The following NRAP variants were observed in gnomAD, a reference collection of about 807,000 sequenced individuals.
NRAP encodes nebulin related anchoring protein.
In NRAP, 189 loss-of-function variants were observed where a neutral mutation model predicts 225.9. The observed-to-expected ratio is 0.84, with a 90% CI of 0.74 to 0.94. NRAP has a LOEUF of 0.94. Among genes scored for constraint, NRAP ranks in the 40% least tolerant of loss-of-function variants. The pLI is 0.00. For missense variants in NRAP, 2,176 were observed against 2,168.7 expected (o/e 1.00, Z -0.07); for synonymous variants, 769 against 790.7 (o/e 0.97, Z 0.46).
At chr10:113,657,084 G>C (rs1850352665) in intron 4 of NRAP, among the ~76,000 whole-genome samples, 1 of 152,162 alleles carries the variant, frequency 6.6e-6, no homozygotes, top group Non-Finnish European at 1.5e-5. Context: ...GCTGGAGAGA[G>C]GCCAGCCTAG....
intron 5 of NRAP, 137 bp from the exon 6 acceptor site, chr10:113,653,176 A>G: frequency 3.5e-6 from 2 of 571,508 alleles, no homozygotes; most frequent in South Asian, 4.9e-5. Flanking sequence ...AAATTTAAAA[A>G]TGGCTTATAA....
intron 22 of NRAP, 124 bp downstream of exon 22, chr10:113,624,702 A>T (rs1236670526): frequency 1.7e-5 from 12 of 697,138 alleles, no homozygotes; most frequent in Non-Finnish European, 3.0e-5. Flanking sequence ...CTGTTTTTAC[A>T]ACAACCAGAT....
At chr10:113,597,815 G>T (rs553008326) in intron 36 of NRAP, among the ~76,000 whole-genome samples, 154 bp downstream of exon 36, 2 of 152,202 alleles carry the variant, frequency 1.3e-5, no homozygotes, top group Non-Finnish European at 2.9e-5. Context: ...ACCTCATTCT[G>T]TCTTGGGATT....
chr10:113,660,111 A>G (rs1487111036), intron 3 of NRAP, among the ~76,000 whole-genome samples: 1 of 151,870 alleles, frequency 6.6e-6, no homozygotes, highest in Non-Finnish European at 1.5e-5. Flanking sequence ...ATACATACAT[A>G]CATACATAAA....
At position 113,631,502 on chromosome 10, in the gene NRAP, A is replaced by C; in HGVS notation, c.1842+7T>G. ...AGTGAGAGGTTGGGGGTTAGAAAAGAGTTTACCTCACTGCTCATCTTAGCA... is the reference window on the plus strand; with the variant it reads ...AGTGAGAGGTTGGGGGTTAGAAAAGCGTTTACCTCACTGCTCATCTTAGCA... On this transcript the variant is annotated splice_region_variant and intron_variant, in intron 18 of 41. Transcript: ENST00000359988. The C allele has an allele frequency of 3.8e-6, 6 of 1,570,256 alleles. No individual in the cohort carries two copies. The highest frequency in any genetic ancestry group is 5.2e-6 in the Non-Finnish European group (6 of 1,151,124).
intron 37 of NRAP, 92 bp downstream of exon 37, chr10:113,596,994 C>T (rs967242354): frequency 7.4e-6 from 6 of 815,086 alleles, no homozygotes; most frequent in Non-Finnish European, 1.3e-5. Context: ...GGTTTGCACC[C>T]CCATCTGTCC....
chr10:113,589,182 C>G, intron 41 of NRAP, 103 bp from the exon 42 acceptor site: 1 of 857,008 alleles, frequency 1.2e-6, no homozygotes, highest in Non-Finnish European at 1.8e-6. Context: ...GAGCATTTAA[C>G]AGGCTCACCC....
rs1364562613 is a variant in NRAP at position 113,645,959 on chromosome 10, A to C, written c.994-18T>G. 3.4e-5 allele frequency: 44 copies of C among 1,298,104 alleles called. No homozygotes were observed. The highest frequency in any genetic ancestry group is 3.9e-5 in the South Asian group (3 of 76,494). 80.4% of individuals were successfully genotyped at this position (1,298,104 alleles called of 1,614,324 possible). On this transcript the variant is annotated intron_variant, in intron 10 of 41. Transcript: ENST00000359988. ...TATTTTATCTGAAAAAAAAAACACA[A>C]AACGGGGCTGGAGTTGATGTTTCCA... is the stretch of plus-strand genomic sequence containing the variant.
chr10:113,632,892 G>GCCAT (rs1848651512), intron 16 of NRAP, among the ~76,000 whole-genome samples, 192 bp downstream of exon 16: 1 of 152,180 alleles, frequency 6.6e-6, no homozygotes, highest in Non-Finnish European at 1.5e-5. Context: ...GGAATAAATG[G>GCCAT]CTATGACCAA....
chr10:113,591,420 G>A (rs930426979), intron 39 of NRAP, among the ~76,000 whole-genome samples: 1 of 152,218 alleles, frequency 6.6e-6, no homozygotes, highest in African/African-American at 2.4e-5. Context: ...GTATGTAGCA[G>A]TACCACTTGT....
chr10:113,645,510 C>T (rs576868486), intron 11 of NRAP, among the ~76,000 whole-genome samples: 1 of 152,264 alleles, frequency 6.6e-6, no homozygotes, highest in African/African-American at 2.4e-5. Flanking sequence ...CTCCGCCTCC[C>T]GAGTTCAAGC....
intron 12 of NRAP, 150 bp downstream of exon 12, chr10:113,642,784 C>T: frequency 1.7e-6 from 1 of 596,168 alleles, no homozygotes; most frequent in Non-Finnish European, 3.0e-6. Flanking sequence ...TCCCAGCAGG[C>T]AACCTTAACC....
Position 113,622,208 on chromosome 10 carries a change from C to T in NRAP, c.2458-28G>A, listed in dbSNP as rs749180058. The T allele has an allele frequency of 4.0e-6, 6 of 1,495,992 alleles. No individual in the cohort carries two copies. In the Admixed American group the frequency reaches 5.1e-5, roughly 13 times the overall value. The allele number at this position is 1,495,992 out of a possible 1,614,324, so 92.7% of individuals were successfully genotyped here. On this transcript the variant is annotated intron_variant, in intron 23 of 41. Transcript: ENST00000359988. ...AAATAAGAGGAATAGAGCAGGGATA[C>T]ATTAGAACCTCCTAAAGGAATTGTT...
intron 18 of NRAP, among the ~76,000 whole-genome samples, chr10:113,630,271 C>A (rs1592807496): frequency 6.6e-6 from 1 of 152,000 alleles, no homozygotes; most frequent in Non-Finnish European, 1.5e-5. Context: ...TGTCACATAG[C>A]AAATACTTGA....
chr10:113,622,227 A>G (rs1335618506), intron 23 of NRAP, 47 bp from the exon 24 acceptor site: 14 of 1,335,992 alleles, frequency 1.0e-5, no homozygotes, highest in Non-Finnish European at 1.5e-5. Context: ...CTCCTAAAGG[A>G]ATTGTTAGGC....
At chr10:113,649,822 A>T (rs908373990) in intron 9 of NRAP, among the ~76,000 whole-genome samples, 14 of 152,212 alleles carry the variant, frequency 9.2e-5, no homozygotes, top group Non-Finnish European at 1.5e-5. Flanking sequence ...TTAATTTAAA[A>T]AAAGAAAGTG....
At chr10:113,597,832 C>T in intron 36 of NRAP, 137 bp downstream of exon 36, 1 of 693,046 alleles carries the variant, frequency 1.4e-6, no homozygotes, top group Non-Finnish European at 2.7e-6. Context: ...GATTTGGTTG[C>T]ACATGGCCCT....
Position 113,634,103 on chromosome 10 carries a change from G to A in NRAP, c.1527+9C>T, listed in dbSNP as rs138969181. Reference sequence around the variant, plus strand: ...CCCTACATCCAGCTGGGCAGGGACAGTTACTTACATGACTCAGCTGCTGGG... The same window carrying A: ...CCCTACATCCAGCTGGGCAGGGACAATTACTTACATGACTCAGCTGCTGGG... On this transcript the variant is annotated intron_variant, in intron 15 of 41. Transcript: ENST00000359988. 6.2e-7 allele frequency: 1 copy of A among 1,600,530 alleles called. No individual in the cohort carries two copies. Among genetic ancestry groups the A allele is most frequent in the Non-Finnish European group, 8.6e-7 (1 of 1,167,624 alleles).
intron 14 of NRAP, among the ~76,000 whole-genome samples, chr10:113,634,501 C>T (rs1210008631): frequency 2.6e-5 from 4 of 152,188 alleles, no homozygotes; most frequent in South Asian, 4.1e-4. Context: ...ACCAAAACCA[C>T]AAGATACCCC....
Sources: gnomAD v4.1 joint callset for allele counts (sites outside exome capture counted in the v4.1 genomes callset) on GRCh38, gnomAD v4.1.1 for gene constraint, MANE v1.5 for transcripts, NCBI Gene and HGNC (gene_info 2026-07-23, HGNC 2026-07-21) for gene names.